FXR1: variants seen among roughly 807,000 people sequenced by gnomAD.
FXR1 encodes the protein FMR1 autosomal homolog 1, also known as RNA-binding protein FXR1.
FXR1 carries 15 observed loss-of-function variants against 84.0 expected under a neutral mutation model. The observed-to-expected ratio is 0.18, with a 90% confidence interval of 0.12 to 0.27. The LOEUF is 0.27. Among genes scored for constraint, FXR1 ranks in the 10% least tolerant of loss-of-function variants. FXR1 has a pLI of 1.00. For synonymous variants in FXR1, 245 were observed against 250.7 expected (o/e 0.98, Z 0.21); for missense variants, 480 against 774.4 (o/e 0.62, Z 4.51).
At position 180,982,160 on chromosome 3, in the gene FXR1, T is replaced by C. The variant is rs565564395; in HGVS notation, c.*5868T>C. The C allele has an allele frequency of 6.6e-6, 1 of 152,156 alleles. No homozygotes were observed. The highest frequency in any genetic ancestry group is 2.1e-4 in the South Asian group (1 of 4,822). The allele number at this position is 152,156 out of a possible 1,614,324, so 9.4% of individuals were successfully genotyped here. A position where few individuals can be genotyped will look rare whatever the true frequency, so the allele number is the denominator to read the frequency against. On this transcript the variant is annotated 3_prime_UTR_variant, in exon 17 of 17. Coordinates refer to ENST00000357559, the MANE Select transcript of FXR1 (RefSeq NM_005087.4). ...GCTGCTTAACCTTACTAAACTTCCA[T>C]TTCCTCACATGTAAAATGTACATCA...
chr3:180,917,286 A>G (rs1718013419), intron 1 of FXR1, among the ~76,000 whole-genome samples: 1 of 152,228 alleles, frequency 6.6e-6, no homozygotes, highest in Non-Finnish European at 1.5e-5. Flanking sequence ...AGATATATTA[A>G]TAATGATGAC....
At chr3:180,913,615 G>C (rs1717516069) in intron 1 of FXR1, among the ~76,000 whole-genome samples, 1 of 152,186 alleles carries the variant, frequency 6.6e-6, no homozygotes, top group East Asian at 1.9e-4. Flanking sequence ...AAGAGGAATA[G>C]AGTAGAGGAA....
intron 3 of FXR1, among the ~76,000 whole-genome samples, chr3:180,936,280 T>G (rs1012035660): frequency 6.6e-6 from 1 of 152,182 alleles, no homozygotes; most frequent in African/African-American, 2.4e-5. Flanking sequence ...CTTTATTTTA[T>G]TTTTTGAGAT....
chr3:180,933,527 A>C, intron 2 of FXR1, 141 bp downstream of exon 2: 3 of 662,422 alleles, frequency 4.5e-6, no homozygotes, highest in Non-Finnish European at 8.1e-6. Flanking sequence ...TCATAAGTCT[A>C]GTTTTGATAA....
chr3:180,951,684 T>G (rs1722243691), intron 8 of FXR1, among the ~76,000 whole-genome samples: 2 of 152,362 alleles, frequency 1.3e-5, no homozygotes, highest in South Asian at 4.1e-4. Flanking sequence ...AAATATGTAG[T>G]TTTTTTATTG....
chr3:180,972,198 T>C (rs1713669265), intron 15 of FXR1, among the ~76,000 whole-genome samples: 1 of 152,226 alleles, frequency 6.6e-6, no homozygotes, highest in Non-Finnish European at 1.5e-5. Context: ...GTGCAGTGGC[T>C]CATACCTGTA....
Position 180,951,355 on chromosome 3 carries a change from A to G in FXR1, c.688A>G (p.Met230Val). The G allele has an allele frequency of 1.2e-6, 2 of 1,609,670 alleles. No homozygotes were observed. Among genetic ancestry groups the G allele is most frequent in the Non-Finnish European group, 1.7e-6 (2 of 1,176,296 alleles). The change falls in exon 8 of 17, where the codon ATG becomes GTG. Residue 230 changes from methionine (M) to valine (V), a missense_variant. Coordinates refer to ENST00000357559, the MANE Select transcript of FXR1 (RefSeq NM_005087.4). ...GGAATTTGTTGTGAGAGAAGATTTA[A>G]TGGGCCTGGCAATAGGAACACATGG... is the stretch of plus-strand genomic sequence containing the variant. ...HEEFVVREDL[M>V]GLAIGTHGSN...
chr3:180,968,330 G>A (rs1484953661), intron 14 of FXR1, 76 bp downstream of exon 14: 2 of 971,404 alleles, frequency 2.1e-6, no homozygotes, highest in Admixed American at 2.0e-5. Flanking sequence ...TCATCTCCCA[G>A]GGCCACCCAT....
intron 1 of FXR1, among the ~76,000 whole-genome samples, chr3:180,919,467 T>C (rs562816180): frequency 6.6e-6 from 1 of 151,822 alleles, no homozygotes; most frequent in Non-Finnish European, 1.5e-5. Context: ...GTATTTTTAG[T>C]AGAGACAGGG....
intron 1 of FXR1, chr3:180,927,660 C>A: frequency 3.7e-6 from 2 of 538,498 alleles, no homozygotes; most frequent in Admixed American, 3.6e-5. Context: ...CATTTAAGCA[C>A]CCGTCTAAAA....
At chr3:180,942,409 A>G (rs920102828) in intron 3 of FXR1, among the ~76,000 whole-genome samples, 3 of 143,358 alleles carry the variant, frequency 2.1e-5, no homozygotes, top group African/African-American at 5.1e-5. Flanking sequence ...AAAAAAAGGC[A>G]TAGGTTGAAC....
chr3:180,956,900 T>A (rs193291461), intron 9 of FXR1, among the ~76,000 whole-genome samples: 16 of 152,326 alleles, frequency 1.1e-4, no homozygotes, highest in African/African-American at 3.6e-4. Flanking sequence ...TTTAACTCTT[T>A]CAACCAAGGT....
intron 1 of FXR1, among the ~76,000 whole-genome samples, chr3:180,923,013 A>C (rs547071047): frequency 6.6e-6 from 1 of 152,224 alleles, no homozygotes; most frequent in South Asian, 2.1e-4. Flanking sequence ...CTGGGTTTCC[A>C]GTCCTGGTTA....
In FXR1 at chr3:180,982,704, CAT is replaced by C. The variant is rs1714670150; in HGVS notation, c.*6413_*6414del. 6.6e-6 allele frequency: 1 copy of C among 152,080 alleles called. No homozygotes were observed. The highest frequency in any genetic ancestry group is 2.4e-5 in the African/African-American group (1 of 41,444). The allele number at this position is 152,080 out of a possible 1,614,324, so 9.4% of individuals were successfully genotyped here. ...TTCATAAAGCTCTTGTTCAGAGAAA[CAT>C]TTTTTGATTTGTCCAATGGACTGAA... On this transcript the variant is annotated 3_prime_UTR_variant, in exon 17 of 17. Coordinates refer to ENST00000357559, the MANE Select transcript of FXR1 (RefSeq NM_005087.4).
At chr3:180,968,729 T>G (rs1387178521) in intron 14 of FXR1, among the ~76,000 whole-genome samples, 1 of 152,182 alleles carries the variant, frequency 6.6e-6, no homozygotes, top group Non-Finnish European at 1.5e-5. Flanking sequence ...TTAACTAAGT[T>G]TTTTAATTGT....
chr3:180,912,712 C>A lies in FXR1; in HGVS notation c.27C>A (p.Arg9=). 2 of 1,613,838 alleles carry A rather than the reference C, an allele frequency of 1.2e-6. No individual in the cohort carries two copies. The highest frequency in any genetic ancestry group is 1.7e-6 in the Non-Finnish European group (2 of 1,179,930). Residue 9 remains arginine (R), a synonymous_variant, in exon 1 of 17, where the codon CGC becomes CGA. Transcript: ENST00000357559. ...TGGCGGAGCTGACGGTGGAGGTTCG[C>A]GGCTCTAACGGGGCTTTCTACAAGG... is the stretch of plus-strand genomic sequence containing the variant. MAELTVEV[R]GSNGAFYKGF...
chr3:180,937,191 A>G (rs1244881350), intron 3 of FXR1, among the ~76,000 whole-genome samples: 1 of 152,232 alleles, frequency 6.6e-6, no homozygotes, highest in African/African-American at 2.4e-5. Context: ...TGAGTAAGCA[A>G]AAGTTAGGTC....
chr3:180,965,939 T>C (rs746929122), intron 13 of FXR1, among the ~76,000 whole-genome samples: 9 of 152,192 alleles, frequency 5.9e-5, no homozygotes, highest in Non-Finnish European at 1.0e-4. Context: ...AGATAAATAC[T>C]ACACTGGATT....
chr3:180,982,090 A>ATTT lies in FXR1; in HGVS notation c.*5798_*5799insTTT, dbSNP rs1714637747. The ATTT allele has an allele frequency of 6.6e-6, 1 of 151,988 alleles. No homozygotes were observed. The highest frequency in any genetic ancestry group is 1.5e-5 in the Non-Finnish European group (1 of 67,922). The allele number at this position is 151,988 out of a possible 1,614,324, so 9.4% of individuals were successfully genotyped here. On this transcript the variant is annotated 3_prime_UTR_variant, in exon 17 of 17. Transcript: ENST00000357559. ...TAGTACAAAAAGTTAAGAGAACGGA[A>ATTT]CTCAGGATCTGAGAAAGATCAGCCA...
Sources: allele counts gnomAD v4.1 joint callset (sites outside exome capture counted in the v4.1 genomes callset), GRCh38; gene constraint gnomAD v4.1.1; transcripts MANE v1.5; gene names NCBI Gene and HGNC (gene_info 2026-07-23, HGNC 2026-07-21).